ANTXR2: variants seen among roughly 807,000 people sequenced by gnomAD.
ANTXR2 encodes ANTXR cell adhesion molecule 2, also known as anthrax toxin receptor 2.
In ANTXR2, 44 loss-of-function variants were observed where a neutral mutation model predicts 73.7. The observed-to-expected ratio is 0.60, with a 90% CI of 0.47 to 0.77. ANTXR2 has a LOEUF of 0.77. ANTXR2 is among the 30% of genes least tolerant of loss of function. The pLI, the probability that ANTXR2 is intolerant of heterozygous loss-of-function variation, is 0.00. For synonymous variants in ANTXR2, 217 were observed against 205.9 expected, an observed-to-expected ratio of 1.05 and a Z score of -0.46; for missense variants, 604 against 592.5, an observed-to-expected ratio of 1.02 and a Z score of -0.20.
At chr4:79,988,335 A>G (rs1169972719) in intron 12 of ANTXR2, among the ~76,000 whole-genome samples, 1 of 148,944 alleles carries the variant, frequency 6.7e-6, no homozygotes, top group Non-Finnish European at 1.5e-5. Context: ...AAAACAAAAA[A>G]ATAAGAGGGG....
chr4:79,933,928 TG>T (rs1365007019), intron 16 of ANTXR2, among the ~76,000 whole-genome samples: 1 of 151,734 alleles, frequency 6.6e-6, no homozygotes, highest in Non-Finnish European at 1.5e-5. Context: ...TTAGTAGAGA[TG>T]GGGTTTCGCC....
chr4:80,057,059 GA>G (rs1330332302), intron 3 of ANTXR2, among the ~76,000 whole-genome samples: 1 of 151,904 alleles, frequency 6.6e-6, no homozygotes, highest in Non-Finnish European at 1.5e-5. Flanking sequence ...TTAAACTGGT[GA>G]GAATGGATAC....
chr4:80,008,644 G>A (rs771956357), intron 11 of ANTXR2, 28 bp from the exon 12 acceptor site: 6 of 1,493,888 alleles, frequency 4.0e-6, no homozygotes, highest in African/African-American at 1.4e-5. Flanking sequence ...CAAAAACAAA[G>A]CAGTCAGCAC....
At chr4:80,009,368 C>G (rs1341235460) in intron 11 of ANTXR2, among the ~76,000 whole-genome samples, 1 of 152,228 alleles carries the variant, frequency 6.6e-6, no homozygotes, top group Admixed American at 6.5e-5. Context: ...ATAAAATGCC[C>G]CTTTGATTAA....
chr4:80,036,957 T>C (rs1317201641), intron 7 of ANTXR2, among the ~76,000 whole-genome samples: 1 of 152,140 alleles, frequency 6.6e-6, no homozygotes, highest in African/African-American at 2.4e-5. Flanking sequence ...ATATTCTTTT[T>C]AAAAACACAG....
chr4:79,980,003 A>T (rs1729816173), intron 14 of ANTXR2, among the ~76,000 whole-genome samples: 1 of 152,198 alleles, frequency 6.6e-6, no homozygotes, highest in African/African-American at 2.4e-5. Context: ...CACAGTTGAT[A>T]TTGCAGAGGT....
rs1237772989 is a variant in ANTXR2 at position 79,902,515 on chromosome 4, T to G, written c.*4914A>C. 1 of 152,242 alleles carries G rather than the reference T, an allele frequency of 6.6e-6. No homozygotes were observed. The highest frequency in any genetic ancestry group is 1.9e-4 in the East Asian group (1 of 5,178). The allele number at this position is 152,242 out of a possible 1,614,324, so 9.4% of individuals were successfully genotyped here. On this transcript the variant is annotated 3_prime_UTR_variant, in exon 17 of 17. Coordinates refer to ENST00000403729, the MANE Select transcript of ANTXR2 (RefSeq NM_058172.6). Reference sequence around the variant, plus strand: ...TGGGAGCATAAATATCTCCTAACAATCTCTGTGCTTCTTTATATATGTTTT... The same window carrying G: ...TGGGAGCATAAATATCTCCTAACAAGCTCTGTGCTTCTTTATATATGTTTT...
intron 16 of ANTXR2, among the ~76,000 whole-genome samples, chr4:79,929,864 C>T (rs989592743): frequency 1.3e-5 from 2 of 152,124 alleles, no homozygotes; most frequent in African/African-American, 2.4e-5. Context: ...AAATGACTAA[C>T]CATCATACAA....
At chr4:79,935,003 T>C (rs1728203260) in intron 16 of ANTXR2, among the ~76,000 whole-genome samples, 1 of 152,056 alleles carries the variant, frequency 6.6e-6, no homozygotes, top group African/African-American at 2.4e-5. Flanking sequence ...AAATGACAAG[T>C]TGATGGGTGC....
chr4:80,003,303 T>C (rs36143604), intron 12 of ANTXR2, among the ~76,000 whole-genome samples: 10,493 of 148,940 alleles, frequency 0.07, 427 homozygotes, highest in Middle Eastern at 0.1. Context: ...CAGTAAACTA[T>C]CGCAAGAACA....
chr4:79,949,701 A>G (rs1211566952), intron 16 of ANTXR2, among the ~76,000 whole-genome samples: 2 of 152,202 alleles, frequency 1.3e-5, no homozygotes, highest in Non-Finnish European at 2.9e-5. Context: ...TACATAGTGG[A>G]AAGCCTACTT....
At chr4:80,029,116 T>TAAAAAATCACATACATTA (rs1553934256) in intron 10 of ANTXR2, among the ~76,000 whole-genome samples, 13 of 152,126 alleles carry the variant, frequency 8.5e-5, no homozygotes, top group African/African-American at 3.1e-4. Flanking sequence ...TATGTGTGAT[T>TAAAAAATCACATACATTA]AAAAAATGTA....
At chr4:79,961,427 C>G (rs1231918504) in intron 16 of ANTXR2, among the ~76,000 whole-genome samples, 1 of 151,798 alleles carries the variant, frequency 6.6e-6, no homozygotes, top group Non-Finnish European at 1.5e-5. Context: ...TGAAAGTATT[C>G]TTTTTTTAAT....
At chr4:79,918,435 G>A (rs1360229991) in intron 16 of ANTXR2, among the ~76,000 whole-genome samples, 4 of 151,662 alleles carry the variant, frequency 2.6e-5, no homozygotes, top group Admixed American at 2.0e-4. Context: ...AGAATGTCAT[G>A]AAAGCATAAC....
At chr4:79,974,290 G>C (rs1729540625) in intron 16 of ANTXR2, among the ~76,000 whole-genome samples, 1 of 152,040 alleles carries the variant, frequency 6.6e-6, no homozygotes, top group African/African-American at 2.4e-5. Context: ...GATTAACTCA[G>C]ACTGCATCAG....
intron 7 of ANTXR2, among the ~76,000 whole-genome samples, chr4:80,037,944 A>C (rs1329945887): frequency 6.6e-6 from 1 of 152,110 alleles, no homozygotes; most frequent in Admixed American, 6.6e-5. Flanking sequence ...TCAGTCCTGA[A>C]GGAATTTATC....
At chr4:80,009,576 A>T (rs1731469852) in intron 11 of ANTXR2, among the ~76,000 whole-genome samples, 1 of 152,186 alleles carries the variant, frequency 6.6e-6, no homozygotes, top group African/African-American at 2.4e-5. Context: ...GAGGCCGGGC[A>T]CAATGGCTCA....
At chr4:79,952,683 A>G (rs912303391) in intron 16 of ANTXR2, among the ~76,000 whole-genome samples, 2 of 151,976 alleles carry the variant, frequency 1.3e-5, no homozygotes, top group Admixed American at 1.3e-4. Flanking sequence ...TATTTCTAAG[A>G]TTTCAGAAAC....
intron 16 of ANTXR2, among the ~76,000 whole-genome samples, chr4:79,928,721 G>A (rs1394216679): frequency 6.6e-6 from 1 of 151,990 alleles, no homozygotes; most frequent in East Asian, 1.9e-4. Flanking sequence ...TAAAAGTTAT[G>A]ACAATCTTTT....
Sources: gnomAD v4.1 joint callset for allele counts (sites outside exome capture counted in the v4.1 genomes callset) on GRCh38, gnomAD v4.1.1 for gene constraint, MANE v1.5 for transcripts, NCBI Gene and HGNC (gene_info 2026-07-23, HGNC 2026-07-21) for gene names.